Variants in FGF1 observed in about 807,000 individuals in gnomAD.
The protein encoded by FGF1 is fibroblast growth factor 1, also known as beta-endothelial cell growth factor.
A neutral mutation model predicts 13.4 loss-of-function variants in FGF1; 9 were observed. That is an observed-to-expected ratio of 0.67 (90% CI 0.40 to 1.17). The LOEUF (loss-of-function observed/expected upper bound fraction) is 1.17. Ranked by LOEUF, FGF1 falls within the 50% of genes most tolerant of loss-of-function variation. The pLI is 0.01. For synonymous variants in FGF1, 93 were observed against 79.0 expected, an observed-to-expected ratio of 1.18 and a Z score of -0.94; for missense variants, 156 against 192.7, an observed-to-expected ratio of 0.81 and a Z score of 1.13.
intron 3 of FGF1, 23 bp from the exon 4 acceptor site, chr5:142,595,507 G>C (rs763061433): frequency 3.1e-6 from 5 of 1,598,830 alleles, no homozygotes; most frequent in South Asian, 2.2e-5. Flanking sequence ...AACCAAAAGA[G>C]AGTAGGACAA....
intron 2 of FGF1, among the ~76,000 whole-genome samples, chr5:142,696,054 G>A (rs753442790): frequency 2.6e-5 from 4 of 152,138 alleles, no homozygotes; most frequent in Non-Finnish European, 4.4e-5. Flanking sequence ...CAATTTGGGA[G>A]CCCAGGTGGG....
intron 1 of FGF1, among the ~76,000 whole-genome samples, chr5:142,633,791 G>A (rs1597236576): frequency 2.6e-5 from 4 of 152,166 alleles, no homozygotes; most frequent in Middle Eastern, 3.4e-3. Context: ...ACCTCTGTTC[G>A]AAGCTCATCC....
chr5:142,654,178 C>G lies in FGF1; in HGVS notation c.-35+31779G>C, dbSNP rs568773301. On this transcript the variant is annotated intron_variant, in intron 1 of 3. Transcript: ENST00000337706. The stretch of plus-strand genomic sequence containing the variant: ...TGATCTGTTTATTCATCTATCTCAT[C>G]TTTTGGTCTGTGAATTTCCTGAGGG... Among the ~76,000 whole-genome samples the G allele has an allele frequency of 6.6e-5, 10 of 152,340 alleles. No individual in the cohort carries two copies. The East Asian group carries it at 1.2e-3, about 18-fold the overall frequency.
At chr5:142,655,989 G>A (rs1344671078) in intron 1 of FGF1, among the ~76,000 whole-genome samples, 1 of 152,122 alleles carries the variant, frequency 6.6e-6, no homozygotes, top group East Asian at 1.9e-4. Context: ...GAGTGAGGGA[G>A]GGTTTTCCTC....
chr5:142,626,750 C>T (rs1197861005), intron 1 of FGF1: 2 of 152,318 alleles, frequency 1.3e-5, no homozygotes, highest in African/African-American at 4.8e-5. Flanking sequence ...ACCCTGCAGC[C>T]TGTGAGACCA....
intron 1 of FGF1, among the ~76,000 whole-genome samples, chr5:142,646,466 C>T (rs564890733): frequency 6.6e-6 from 1 of 152,150 alleles, no homozygotes; most frequent in South Asian, 2.1e-4. Flanking sequence ...AATTTTCCTG[C>T]CTCAGCCTCC....
chr5:142,598,563 C>A (rs1020237360), intron 3 of FGF1, among the ~76,000 whole-genome samples: 6 of 151,968 alleles, frequency 3.9e-5, no homozygotes, highest in African/African-American at 1.2e-4. Flanking sequence ...CATTCTCCAC[C>A]CCCAGAGATA....
intron 1 of FGF1, among the ~76,000 whole-genome samples, chr5:142,636,347 G>A (rs748795814): frequency 1.3e-5 from 2 of 152,234 alleles, no homozygotes; most frequent in African/African-American, 4.8e-5. Flanking sequence ...GGCCTTTAGG[G>A]TGAGGAAGGG....
At chr5:142,619,025 C>T (rs554593747) in intron 1 of FGF1, among the ~76,000 whole-genome samples, 144 of 149,100 alleles carry the variant, frequency 9.7e-4, no homozygotes, top group African/African-American at 3.4e-3. Flanking sequence ...AGCTCCGCCT[C>T]CCAGGTTCAC....
intron 2 of FGF1, among the ~76,000 whole-genome samples, chr5:142,608,121 G>C (rs1758086062): frequency 6.6e-6 from 1 of 152,146 alleles, no homozygotes; most frequent in Non-Finnish European, 1.5e-5. Context: ...AGCTATCCTA[G>C]CATCTTCCTG....
intron 1 of FGF1, among the ~76,000 whole-genome samples, chr5:142,684,407 T>C (rs1774309748): frequency 1.3e-5 from 2 of 152,232 alleles, no homozygotes; most frequent in South Asian, 2.1e-4. Context: ...AAGAAACTCA[T>C]TGTGTTTTCT....
At position 142,593,816 on chromosome 5, in the gene FGF1, T is replaced by C. The variant is rs528727010; in HGVS notation, c.*1474A>G. 6.6e-6 allele frequency: 1 copy of C among 152,658 alleles called. No homozygotes were observed. Among genetic ancestry groups the C allele is most frequent in the African/African-American group, 2.4e-5 (1 of 41,458 alleles). The allele number at this position is 152,658 out of a possible 1,614,324, so 9.5% of individuals were successfully genotyped here. A position where few individuals can be genotyped will look rare whatever the true frequency, so the allele number is the denominator to read the frequency against. On this transcript the variant is annotated 3_prime_UTR_variant, in exon 4 of 4. Coordinates refer to ENST00000337706, the MANE Select transcript of FGF1 (RefSeq NM_000800.5). ...TCTCACAGTAAATTTCAATGACTTA[T>C]TAAAGGCCTTTACATGGCATCAGTA...
intron 1 of FGF1, among the ~76,000 whole-genome samples, chr5:142,654,175 C>T (rs1326437388): frequency 6.6e-6 from 1 of 152,192 alleles, no homozygotes; most frequent in African/African-American, 2.4e-5. Flanking sequence ...TCATCTATCT[C>T]ATCTTTTGGT....
chr5:142,664,978 G>A (rs921816922), intron 1 of FGF1, among the ~76,000 whole-genome samples: 3 of 152,204 alleles, frequency 2.0e-5, no homozygotes, highest in African/African-American at 4.8e-5. Context: ...TTGTATAAAT[G>A]TTAATGAGGA....
chr5:142,670,931 G>C (rs1307489856), intron 1 of FGF1, among the ~76,000 whole-genome samples: 1 of 152,198 alleles, frequency 6.6e-6, no homozygotes, highest in African/African-American at 2.4e-5. Context: ...ACTTGGCCCA[G>C]CCTTCAGAAG....
At chr5:142,618,365 G>A (rs979178082) in intron 1 of FGF1, among the ~76,000 whole-genome samples, 2 of 152,084 alleles carry the variant, frequency 1.3e-5, no homozygotes, top group African/African-American at 4.8e-5. Context: ...GAACCCGGGC[G>A]AGTCATTCAC....
intron 1 of FGF1, among the ~76,000 whole-genome samples, chr5:142,629,259 G>A (rs1339925407): frequency 1.3e-5 from 2 of 152,114 alleles, no homozygotes; most frequent in East Asian, 1.9e-4. Context: ...GGGCTCAATC[G>A]ATCCTCTTGC....
intron 2 of FGF1, among the ~76,000 whole-genome samples, chr5:142,696,459 T>A (rs1365223133): frequency 6.6e-6 from 1 of 152,190 alleles, no homozygotes; most frequent in Non-Finnish European, 1.5e-5. Context: ...ATGGGTACAG[T>A]ACCCACATTC....
In FGF1 at chr5:142,664,972, A is replaced by G. The variant is rs78263991; in HGVS notation, c.-35+20985T>C. 2.6e-4 allele frequency among the ~76,000 whole-genome samples: 39 copies of G among 152,358 alleles called. 2 individuals are homozygous for G. The East Asian group carries it at 7.3e-3, about 29-fold the overall frequency. On this transcript the variant is annotated intron_variant, in intron 1 of 3. Coordinates refer to ENST00000337706, the MANE Select transcript of FGF1 (RefSeq NM_000800.5). ...GGTGCTTAACACAGTGCTGCATTGT[A>G]TAAATGTTAATGAGGATGATAAAAA... is the stretch of plus-strand genomic sequence containing the variant.
Sources: allele counts gnomAD v4.1 joint callset (sites outside exome capture counted in the v4.1 genomes callset), GRCh38; gene constraint gnomAD v4.1.1; transcripts MANE v1.5; gene names NCBI Gene and HGNC (gene_info 2026-07-23, HGNC 2026-07-21).